The following MACROD2 variants were observed in gnomAD, a reference collection of about 807,000 sequenced individuals.
The protein encoded by MACROD2 is ADP-ribose glycohydrolase MACROD2.
A neutral mutation model predicts 70.4 loss-of-function variants in MACROD2; 36 were observed. That is an observed-to-expected ratio of 0.51 (90% CI 0.39 to 0.68). MACROD2 has a LOEUF of 0.68. MACROD2 is among the 30% of genes least tolerant of loss of function. The pLI, the probability that MACROD2 is intolerant of heterozygous loss-of-function variation, is 0.00. For synonymous variants in MACROD2, 172 were observed against 178.8 expected (o/e 0.96, Z 0.30); for missense variants, 496 against 538.4 (o/e 0.92, Z 0.78).
intron 5 of MACROD2, among the ~76,000 whole-genome samples, chr20:15,090,208 T>C (rs1018558069): frequency 1.6e-5 from 1 of 60,662 alleles, no homozygotes; most frequent in African/African-American, 6.6e-5. Context: ...TAAATGTACA[T>C]ATATATATAT....
At chr20:14,811,410 T>C (rs1185044432) in intron 5 of MACROD2, among the ~76,000 whole-genome samples, 4 of 152,120 alleles carry the variant, frequency 2.6e-5, no homozygotes, top group Admixed American at 2.6e-4. Context: ...ACTGGACCCC[T>C]TCCTTACACC....
At position 14,824,376 on chromosome 20, in the gene MACROD2, A is replaced by G. The variant is rs546859069; in HGVS notation, c.418+139417A>G. Reference sequence around the variant, plus strand: ...TTGCTAAAAAATCATCCCAAAATATAGTGGCCTGAAACAGCAACAATTATT... The same window carrying G: ...TTGCTAAAAAATCATCCCAAAATATGGTGGCCTGAAACAGCAACAATTATT... On this transcript the variant is annotated intron_variant, in intron 5 of 17. Coordinates refer to ENST00000684519, the MANE Select transcript of MACROD2 (RefSeq NM_001351661.2). Among the ~76,000 whole-genome samples, 451 of 152,204 alleles carry G rather than the reference A, an allele frequency of 3.0e-3. 5 individuals carry two copies. The highest frequency in any genetic ancestry group is 4.0e-3 in the Non-Finnish European group (270 of 67,978).
chr20:15,417,401 G>C (rs1017672656), intron 6 of MACROD2, among the ~76,000 whole-genome samples: 5 of 151,420 alleles, frequency 3.3e-5, no homozygotes, highest in Admixed American at 3.3e-4. Flanking sequence ...GACCAGCCTG[G>C]ACAACACAGC....
intron 8 of MACROD2, among the ~76,000 whole-genome samples, chr20:15,721,974 A>T (rs2050793665): frequency 6.6e-6 from 1 of 152,160 alleles, no homozygotes; most frequent in Non-Finnish European, 1.5e-5. Flanking sequence ...ATCTTATATA[A>T]ATGAAATCAT....
chr20:15,684,444 CTTGAAGTGAGCAGACT>C (rs1555860524), intron 8 of MACROD2, among the ~76,000 whole-genome samples: 1 of 152,216 alleles, frequency 6.6e-6, no homozygotes, highest in Non-Finnish European at 1.5e-5. Flanking sequence ...GCACTGTCAG[CTTGAAGTGAGCAGACT>C]AGGACGGCTA....
At chr20:15,635,859 G>A (rs1257533136) in intron 8 of MACROD2, among the ~76,000 whole-genome samples, 2 of 152,026 alleles carry the variant, frequency 1.3e-5, no homozygotes, top group Admixed American at 1.3e-4. Context: ...CCTGAAGTCA[G>A]GAGTTTGAGA....
intron 5 of MACROD2, among the ~76,000 whole-genome samples, chr20:14,782,885 C>T (rs902275262): frequency 2.0e-5 from 3 of 152,116 alleles, no homozygotes; most frequent in Admixed American, 2.0e-4. Flanking sequence ...ACTAAGAACA[C>T]TGTTCAAGGG....
At chr20:15,983,011 A>G (rs573651766) in intron 13 of MACROD2, among the ~76,000 whole-genome samples, 3 of 152,320 alleles carry the variant, frequency 2.0e-5, no homozygotes, top group Admixed American at 1.3e-4. Context: ...TCTTTCTGAC[A>G]TATAGAGTGT....
At chr20:15,121,513 C>CAAAAAA (rs5840653) in intron 5 of MACROD2, among the ~76,000 whole-genome samples, 3 of 122,056 alleles carry the variant, frequency 2.5e-5, no homozygotes, top group Non-Finnish European at 3.3e-5. Context: ...AACTCTGCCT[C>CAAAAAA]AAAAAAAAAA....
chr20:14,964,308 C>T (rs2074611368), intron 5 of MACROD2, among the ~76,000 whole-genome samples: 1 of 152,014 alleles, frequency 6.6e-6, no homozygotes, highest in Admixed American at 6.6e-5. Flanking sequence ...CGCGGTGGCT[C>T]ACGCCTGTAA....
At chr20:15,643,496 A>G (rs2049493277) in intron 8 of MACROD2, among the ~76,000 whole-genome samples, 1 of 152,214 alleles carries the variant, frequency 6.6e-6, no homozygotes, top group African/African-American at 2.4e-5. Flanking sequence ...AGTCTCTGTC[A>G]GATTGACTTA....
chr20:14,027,880 G>A (rs993621425), intron 2 of MACROD2, among the ~76,000 whole-genome samples: 4 of 152,158 alleles, frequency 2.6e-5, no homozygotes, highest in African/African-American at 7.2e-5. Context: ...CTAGTCAAGA[G>A]GTAAAAGGGT....
At chr20:15,655,150 ATG>A (rs569085805) in intron 8 of MACROD2, among the ~76,000 whole-genome samples, 1 of 151,670 alleles carries the variant, frequency 6.6e-6, no homozygotes, top group Non-Finnish European at 1.5e-5. Context: ...GTGTGTATGT[ATG>A]TGTGTGTGTG....
chr20:15,192,364 T>C (rs2076577992), intron 5 of MACROD2, among the ~76,000 whole-genome samples: 1 of 152,240 alleles, frequency 6.6e-6, no homozygotes, highest in Non-Finnish European at 1.5e-5. Context: ...CAAGAACAAG[T>C]ACAACGGAAC....
chr20:14,569,877 GA>G (rs1304940486), intron 4 of MACROD2, among the ~76,000 whole-genome samples: 2 of 151,150 alleles, frequency 1.3e-5, no homozygotes, highest in Admixed American at 6.6e-5. Context: ...TAGTTAAAAT[GA>G]AAAAAAAGGG....
Position 14,349,874 on chromosome 20 carries a change from A to T in MACROD2, c.272-143605A>T, listed in dbSNP as rs181314682. ...TGCGATTCTCCTGCCTCAGCCTCCC[A>T]AGTAGCTGGAACTACAGGCATGCAC... On this transcript the variant is annotated intron_variant, in intron 3 of 17. Coordinates refer to ENST00000684519, the MANE Select transcript of MACROD2 (RefSeq NM_001351661.2). Among the ~76,000 whole-genome samples the T allele has an allele frequency of 5.7e-5, 8 of 141,332 alleles. No homozygotes were observed. In the East Asian group the frequency reaches 1.6e-3, roughly 29 times the overall value. The allele number at this position is 141,332 out of a possible 152,430, so 92.7% of individuals were successfully genotyped here. A position where few individuals can be genotyped will look rare whatever the true frequency, so the allele number is the denominator to read the frequency against.
At position 15,089,752 on chromosome 20, in the gene MACROD2, T is replaced by G. The variant is rs2075779175; in HGVS notation, c.419-140188T>G. Among the ~76,000 whole-genome samples the G allele has an allele frequency of 2.6e-5, 4 of 152,054 alleles. No homozygotes were observed. The South Asian group carries it at 8.3e-4, about 32-fold the overall frequency. On this transcript the variant is annotated intron_variant, in intron 5 of 17. Transcript: ENST00000684519. The stretch of plus-strand genomic sequence containing the variant: ...TCACTAACTTCTTTTACTGCACAGT[T>G]TGCTGGTTGTGATTTCTTATTTTTT...
intron 3 of MACROD2, among the ~76,000 whole-genome samples, chr20:14,274,932 A>G (rs2082236031): frequency 6.6e-6 from 1 of 152,070 alleles, no homozygotes; most frequent in Admixed American, 6.6e-5. Context: ...TAGGAATCCA[A>G]CTTACAAGGG....
intron 5 of MACROD2, among the ~76,000 whole-genome samples, chr20:15,159,395 C>T (rs1006954265): frequency 6.6e-6 from 1 of 151,938 alleles, no homozygotes; most frequent in South Asian, 2.1e-4. Context: ...AGAGTTCAAT[C>T]AAGACTCTTG....
Sources: gnomAD v4.1 joint callset for allele counts (sites outside exome capture counted in the v4.1 genomes callset) on GRCh38, gnomAD v4.1.1 for gene constraint, MANE v1.5 for transcripts, NCBI Gene and HGNC (gene_info 2026-07-23, HGNC 2026-07-21) for gene names.